Variants in PRKAG2 observed in about 807,000 individuals in gnomAD.
PRKAG2 encodes the protein protein kinase AMP-activated non-catalytic subunit gamma 2.
Under a neutral mutation model 69.6 loss-of-function variants are expected in PRKAG2, and 26 were observed. The observed-to-expected ratio is 0.37, with a 90% CI of 0.27 to 0.52. The LOEUF is 0.52. Ranked by LOEUF, PRKAG2 falls within the 20% of genes least tolerant of loss-of-function variation. The pLI is 0.90. For missense variants in PRKAG2, 557 were observed against 740.0 expected, an observed-to-expected ratio of 0.75 and a Z score of 2.87; for synonymous variants, 293 against 285.0, an observed-to-expected ratio of 1.03 and a Z score of -0.28.
At chr7:151,786,665 A>T in intron 1 of PRKAG2, 124 bp from the exon 2 acceptor site, 2 of 806,236 alleles carry the variant, frequency 2.5e-6, no homozygotes, top group Non-Finnish European at 4.1e-6. Flanking sequence ...ACCATGAAGA[A>T]GGGATGTGGA....
intron 3 of PRKAG2, among the ~76,000 whole-genome samples, chr7:151,760,234 T>C (rs1266098958): frequency 1.0e-5 from 1 of 98,972 alleles, no homozygotes; most frequent in Non-Finnish European, 2.0e-5. Flanking sequence ...GAGAGAGAGC[T>C]GGGTGTTTGT....
chr7:151,752,870 A>G (rs1431048177), intron 3 of PRKAG2, among the ~76,000 whole-genome samples: 1 of 152,254 alleles, frequency 6.6e-6, no homozygotes, highest in Non-Finnish European at 1.5e-5. Flanking sequence ...GACTGGTGAC[A>G]AGGGGGAAAG....
At chr7:151,751,412 C>T (rs948972886) in intron 3 of PRKAG2, among the ~76,000 whole-genome samples, 3 of 152,022 alleles carry the variant, frequency 2.0e-5, no homozygotes, top group Non-Finnish European at 4.4e-5. Flanking sequence ...CCACCACGCC[C>T]GGCCCAAAGA....
intron 3 of PRKAG2, among the ~76,000 whole-genome samples, chr7:151,757,329 G>A (rs1219939461): frequency 1.3e-5 from 2 of 152,180 alleles, no homozygotes; most frequent in Non-Finnish European, 2.9e-5. Context: ...CGCTGAAATG[G>A]TGTGAAAGGA....
chr7:151,568,544 C>T (rs1806804833), intron 11 of PRKAG2, 172 bp downstream of exon 11: 1 of 657,944 alleles, frequency 1.5e-6, no homozygotes, highest in Admixed American at 2.9e-5. Context: ...TTGGAATCAA[C>T]TTTAAGAATG....
At chr7:151,856,313 G>T (rs1478955739) in intron 1 of PRKAG2, among the ~76,000 whole-genome samples, 1 of 152,246 alleles carries the variant, frequency 6.6e-6, no homozygotes, top group Admixed American at 6.5e-5. Context: ...GCTCCCCGTG[G>T]CGATCTTTCC....
chr7:151,776,697 T>C (rs1479362822), intron 3 of PRKAG2, among the ~76,000 whole-genome samples: 4 of 152,188 alleles, frequency 2.6e-5, no homozygotes, highest in Admixed American at 6.5e-5. Flanking sequence ...CACTCAGGCC[T>C]GGAGGAAGGC....
At chr7:151,644,162 T>C (rs1827192940) in intron 4 of PRKAG2, among the ~76,000 whole-genome samples, 1 of 152,150 alleles carries the variant, frequency 6.6e-6, no homozygotes, top group Non-Finnish European at 1.5e-5. Context: ...TGCACCAGGA[T>C]CTTACAAATC....
chr7:151,741,370 T>C lies in PRKAG2; in HGVS notation c.466+39782A>G, dbSNP rs139528142. ...AGTGTACTATTCTTACACTACATAA[T>C]ACAACGGACAGAAAGAACATTTCAA... On this transcript the variant is annotated intron_variant, in intron 3 of 15. Coordinates refer to ENST00000287878, the MANE Select transcript of PRKAG2 (RefSeq NM_016203.4). 4.0e-3 allele frequency among the ~76,000 whole-genome samples: 609 copies of C among 151,846 alleles called. 5 individuals carry two copies. The highest frequency in any genetic ancestry group is 0.014 in the African/African-American group (579 of 41,422).
intron 1 of PRKAG2, among the ~76,000 whole-genome samples, chr7:151,796,734 C>T (rs1473896272): frequency 2.0e-5 from 3 of 152,090 alleles, no homozygotes; most frequent in South Asian, 2.1e-4. Flanking sequence ...AGAGCTGACA[C>T]GGGGAGAGTG....
In PRKAG2 at chr7:151,845,934, C is replaced by A. The variant is rs1232676629; in HGVS notation, c.114+30573G>T. On this transcript the variant is annotated intron_variant, in intron 1 of 15. Transcript: ENST00000287878. ...TTCACACACACAGTGTGTATGGTCC[C>A]GGAACACAGACGGGTGCTGTCCTCA... 3.9e-5 allele frequency among the ~76,000 whole-genome samples: 6 copies of A among 152,160 alleles called. No homozygotes were observed. In the East Asian group the frequency reaches 1.2e-3, roughly 29 times the overall value.
chr7:151,574,082 G>A (rs77133357), intron 8 of PRKAG2, among the ~76,000 whole-genome samples: 5,462 of 152,240 alleles, frequency 0.036, 337 homozygotes, highest in African/African-American at 0.12. Flanking sequence ...CCCGGCAAGA[G>A]CATGTTTTAT....
intron 3 of PRKAG2, among the ~76,000 whole-genome samples, chr7:151,686,051 G>C (rs880917): frequency 0.025 from 3,857 of 152,232 alleles, 161 homozygotes; most frequent in African/African-American, 0.088. Context: ...TCCCCACTGA[G>C]TCTAACCCGA....
chr7:151,743,480 CT>C (rs1367936467), intron 3 of PRKAG2, among the ~76,000 whole-genome samples: 1 of 152,176 alleles, frequency 6.6e-6, no homozygotes, highest in African/African-American at 2.4e-5. Flanking sequence ...GGTGGCTGTT[CT>C]TTTAGATTTC....
chr7:151,558,180 A>T, intron 15 of PRKAG2: 1 of 985,470 alleles, frequency 1.0e-6, no homozygotes, highest in Non-Finnish European at 1.2e-6. Flanking sequence ...AACTGTTGCT[A>T]AAAACTTTTT....
intron 3 of PRKAG2, among the ~76,000 whole-genome samples, chr7:151,743,831 C>T (rs1213785547): frequency 6.6e-6 from 1 of 152,188 alleles, no homozygotes; most frequent in Non-Finnish European, 1.5e-5. Flanking sequence ...GTGCTGACTG[C>T]TCCTCTGCCC....
intron 3 of PRKAG2, among the ~76,000 whole-genome samples, chr7:151,700,886 A>G (rs1563467666): frequency 6.6e-6 from 1 of 152,228 alleles, no homozygotes; most frequent in African/African-American, 2.4e-5. Context: ...TCAAACATCC[A>G]TGCAGAACCC....
At chr7:151,606,579 G>C (rs976585577) in intron 5 of PRKAG2, among the ~76,000 whole-genome samples, 2 of 152,170 alleles carry the variant, frequency 1.3e-5, no homozygotes, top group African/African-American at 4.8e-5. Context: ...CAGCATTTTG[G>C]GAGGCTGAGC....
chr7:151,782,323 AGGAAGGAAGGAAGGAAGGAG>A (rs1221042899), intron 2 of PRKAG2, among the ~76,000 whole-genome samples: 1 of 46,866 alleles, frequency 2.1e-5, no homozygotes, highest in African/African-American at 9.7e-5. Context: ...GAAGGAAGGA[AGGAAGGAAGGAAGGAAGGAG>A]GGAGGGAGGG....
Sources: allele counts gnomAD v4.1 joint callset (sites outside exome capture counted in the v4.1 genomes callset), GRCh38; gene constraint gnomAD v4.1.1; transcripts MANE v1.5; gene names NCBI Gene and HGNC (gene_info 2026-07-23, HGNC 2026-07-21).